The following NEIL3 variants were observed in gnomAD, a reference collection of about 807,000 sequenced individuals.
The protein encoded by NEIL3 is endonuclease 8-like 3.
In NEIL3, 48 loss-of-function variants were observed where a neutral mutation model predicts 57.5. That is an observed-to-expected ratio of 0.83 (90% CI 0.66 to 1.06). The LOEUF is 1.06. Ranked by LOEUF, NEIL3 falls within the 50% of genes least tolerant of loss-of-function variation. The pLI is 0.00. For missense variants in NEIL3, 717 were observed against 739.1 expected, an observed-to-expected ratio of 0.97 and a Z score of 0.35; for synonymous variants, 261 against 253.2, an observed-to-expected ratio of 1.03 and a Z score of -0.29.
rs577667013 is a variant in NEIL3 at position 177,360,669 on chromosome 4, T to G, written c.1627T>G (p.Phe543Val). 4 of 1,606,248 alleles carry G rather than the reference T, an allele frequency of 2.5e-6. No individual in the cohort carries two copies. Among genetic ancestry groups the G allele is most frequent in the Non-Finnish European group, 3.4e-6 (4 of 1,175,946 alleles). The change falls in exon 9 of 10, where the codon TTT (phenylalanine) becomes GTT (valine). Residue 543 changes from phenylalanine (F) to valine (V), a missense_variant. Phe to Val is a conservative substitution (Grantham distance 50). Transcript: ENST00000264596. Reference protein sequence around the residue: ...CPLPREAQCGFFEWADLSFPF... With the variant: ...CPLPREAQCGVFEWADLSFPF... ...TCTACCTAGAGAAGCACAATGTGGA[T>G]TTTTTGAAGTATGTGTAAGATTTAT...
At chr4:177,345,133 A>G (rs1735187727) in intron 6 of NEIL3, among the ~76,000 whole-genome samples, 1 of 152,214 alleles carries the variant, frequency 6.6e-6, no homozygotes, top group Admixed American at 6.5e-5. Context: ...TTGTAAAGGG[A>G]CATGTTTATC....
intron 1 of NEIL3, among the ~76,000 whole-genome samples, chr4:177,316,442 G>A (rs559118068): frequency 1.3e-5 from 2 of 152,240 alleles, no homozygotes; most frequent in African/African-American, 4.8e-5. Context: ...TAGTAGTCAT[G>A]AGGATTTGGT....
At chr4:177,361,740 A>C (rs1332151525) in intron 9 of NEIL3, among the ~76,000 whole-genome samples, 2 of 152,120 alleles carry the variant, frequency 1.3e-5, no homozygotes, top group African/African-American at 4.8e-5. Context: ...TTCCTAAGGA[A>C]GTTTAATATT....
intron 9 of NEIL3, among the ~76,000 whole-genome samples, chr4:177,361,169 A>G (rs1428139544): frequency 6.6e-6 from 1 of 152,202 alleles, no homozygotes; most frequent in Non-Finnish European, 1.5e-5. Context: ...CACCATAGCA[A>G]TTTAGCTATA....
chr4:177,345,679 CTTTTTTT>C (rs55741585), intron 6 of NEIL3, among the ~76,000 whole-genome samples: 2 of 78,034 alleles, frequency 2.6e-5, no homozygotes, highest in African/African-American at 5.3e-5. Context: ...CCACGCCTGG[CTTTTTTT>C]TTTTTTTTTT....
chr4:177,336,707 A>T (rs966841089), intron 4 of NEIL3, among the ~76,000 whole-genome samples: 1 of 152,216 alleles, frequency 6.6e-6, no homozygotes, highest in Non-Finnish European at 1.5e-5. Context: ...AAGTATCCCA[A>T]CATCTAGAAC....
intron 6 of NEIL3, among the ~76,000 whole-genome samples, chr4:177,348,176 AC>A (rs1447680473): frequency 1.3e-5 from 2 of 152,060 alleles, no homozygotes; most frequent in African/African-American, 4.8e-5. Context: ...GCCGGGCCCC[AC>A]CCCTAGAGCT....
intron 2 of NEIL3, among the ~76,000 whole-genome samples, chr4:177,327,818 C>T (rs1183842739): frequency 6.6e-6 from 1 of 151,904 alleles, no homozygotes; most frequent in Non-Finnish European, 1.5e-5. Flanking sequence ...GCCTTTCTTA[C>T]TTCATTTGTT....
intron 1 of NEIL3, among the ~76,000 whole-genome samples, chr4:177,315,128 G>A (rs1000230188): frequency 1.3e-5 from 2 of 151,238 alleles, no homozygotes; most frequent in African/African-American, 4.9e-5. Flanking sequence ...GTGAGGAAAA[G>A]AGGAGAGAGT....
At chr4:177,329,892 T>C (rs1734850089) in intron 2 of NEIL3, among the ~76,000 whole-genome samples, 1 of 152,170 alleles carries the variant, frequency 6.6e-6, no homozygotes, top group South Asian at 2.1e-4. Flanking sequence ...CTAGAAATTA[T>C]TGAGATACCT....
intron 2 of NEIL3, among the ~76,000 whole-genome samples, chr4:177,328,856 T>C (rs186958403): frequency 6.6e-6 from 1 of 152,272 alleles, no homozygotes; most frequent in East Asian, 1.9e-4. Context: ...CAGAGTAAAA[T>C]GCATTGCAAC....
At chr4:177,339,603 C>T (rs1402077428) in intron 4 of NEIL3, among the ~76,000 whole-genome samples, 180 bp from the exon 5 acceptor site, 1 of 152,108 alleles carries the variant, frequency 6.6e-6, no homozygotes, top group Non-Finnish European at 1.5e-5. Flanking sequence ...TCAGGGATGG[C>T]AGAGGCAGAA....
At position 177,353,464 on chromosome 4, in the gene NEIL3, C is replaced by G; in HGVS notation, c.1196C>G (p.Ser399Cys). The G allele has an allele frequency of 6.2e-7, 1 of 1,613,838 alleles. No individual in the cohort carries two copies. The highest frequency in any genetic ancestry group is 8.5e-7 in the Non-Finnish European group (1 of 1,179,944). The change falls in exon 8 of 10, where the codon TCC becomes TGC. Residue 399 changes from serine (S) to cysteine (C), a missense_variant. Transcript: ENST00000264596. The stretch of plus-strand genomic sequence containing the variant: ...GTCTTGACTGATTTTAGCAATAAAT[C>G]CAGTACTTTGGAAAGAAAAACAAAG... ...TLVLTDFSNK[S>C]STLERKTKQN...
At chr4:177,316,563 A>G (rs1328834141) in intron 1 of NEIL3, among the ~76,000 whole-genome samples, 3 of 152,124 alleles carry the variant, frequency 2.0e-5, no homozygotes, top group Non-Finnish European at 4.4e-5. Flanking sequence ...AGATTTTGCC[A>G]AGATATCTTG....
chr4:177,338,452 C>G (rs1735020333), intron 4 of NEIL3, among the ~76,000 whole-genome samples: 1 of 152,152 alleles, frequency 6.6e-6, no homozygotes, highest in Admixed American at 6.5e-5. Context: ...TCACATCTCA[C>G]AAATACTATA....
intron 6 of NEIL3, among the ~76,000 whole-genome samples, chr4:177,349,500 C>G (rs1735307020): frequency 6.6e-6 from 1 of 152,158 alleles, no homozygotes; most frequent in African/African-American, 2.4e-5. Flanking sequence ...CCCCCTCCCT[C>G]TCTCTTATAA....
chr4:177,315,403 A>G (rs1488608170), intron 1 of NEIL3, among the ~76,000 whole-genome samples: 1 of 152,180 alleles, frequency 6.6e-6, no homozygotes, highest in Non-Finnish European at 1.5e-5. Flanking sequence ...ACTTGTGTCA[A>G]AGGAGATTTT....
chr4:177,338,659 A>T (rs771497732), intron 4 of NEIL3, among the ~76,000 whole-genome samples: 1 of 152,228 alleles, frequency 6.6e-6, no homozygotes, highest in African/African-American at 2.4e-5. Flanking sequence ...TAACACTGAG[A>T]TTTATGTTAG....
At chr4:177,318,501 A>C (rs1252027833) in intron 1 of NEIL3, among the ~76,000 whole-genome samples, 1 of 152,160 alleles carries the variant, frequency 6.6e-6, no homozygotes, top group Non-Finnish European at 1.5e-5. Context: ...TGGAGTAGAA[A>C]ACTTCCCCAG....
Sources: allele counts gnomAD v4.1 joint callset (sites outside exome capture counted in the v4.1 genomes callset), GRCh38; gene constraint gnomAD v4.1.1; transcripts MANE v1.5; gene names NCBI Gene and HGNC (gene_info 2026-07-23, HGNC 2026-07-21).